YAE1: variants seen among roughly 807,000 people sequenced by gnomAD.
The protein encoded by YAE1 is protein YAE1 homolog.
Under a neutral mutation model 23.0 loss-of-function variants are expected in YAE1, and 22 were observed. That is an observed-to-expected ratio of 0.96 (90% CI 0.68 to 1.37). The LOEUF (loss-of-function observed/expected upper bound fraction) is 1.37. Ranked by LOEUF, YAE1 falls within the 40% of genes most tolerant of loss-of-function variation. YAE1 has a pLI of 0.00. For missense variants in YAE1, 260 were observed against 262.1 expected, an observed-to-expected ratio of 0.99 and a Z score of 0.06; for synonymous variants, 101 against 97.0, an observed-to-expected ratio of 1.04 and a Z score of -0.24.
At chr7:39,594,895 C>T (rs1031240927) in intron 2 of YAE1, among the ~76,000 whole-genome samples, 1 of 152,136 alleles carries the variant, frequency 6.6e-6, no homozygotes, top group African/African-American at 2.4e-5. Flanking sequence ...CGTGCCCAGC[C>T]AGAACCTCGT....
intron 2 of YAE1, among the ~76,000 whole-genome samples, chr7:39,587,148 C>A (rs948097439): frequency 1.4e-4 from 22 of 151,960 alleles, no homozygotes; most frequent in African/African-American, 5.3e-4. Flanking sequence ...CCTCCGCCTC[C>A]CAGGTTGAAG....
downstream of YAE1, among the ~76,000 whole-genome samples, chr7:39,573,907 G>C (rs1790613087): frequency 6.6e-6 from 1 of 152,172 alleles, no homozygotes; most frequent in Non-Finnish European, 1.5e-5. Context: ...GATCTCTCCA[G>C]GTGTGAAGAC....
At chr7:39,577,345 G>T (rs151325298), downstream of YAE1, among the ~76,000 whole-genome samples, 1 of 152,238 alleles carries the variant, frequency 6.6e-6, no homozygotes, top group Admixed American at 6.5e-5. Flanking sequence ...CTCTGGCTGC[G>T]CTTGAGGAGC....
chr7:39,591,282 A>G (rs1361126819), intron 2 of YAE1, among the ~76,000 whole-genome samples: 1 of 152,168 alleles, frequency 6.6e-6, no homozygotes, highest in African/African-American at 2.4e-5. Flanking sequence ...AGTGCAAAAC[A>G]CCTATCAAAT....
At position 39,589,163 on chromosome 7, in the gene YAE1, A is replaced by G. The variant is rs143701291; in HGVS notation, c.251+18536A>G. On this transcript the variant is annotated intron_variant, in intron 2 of 2. Coordinates refer to the YAE1 transcript ENST00000432096. Reference sequence around the variant, plus strand: ...TAAAACAAAGGCTTTTTATTATAAAATAAGTCACATACTAACTTTAGAAAT... The same window carrying G: ...TAAAACAAAGGCTTTTTATTATAAAGTAAGTCACATACTAACTTTAGAAAT... 6.5e-3 allele frequency among the ~76,000 whole-genome samples: 995 copies of G among 152,190 alleles called. 14 individuals are homozygous for G. Among genetic ancestry groups the G allele is most frequent in the African/African-American group, 0.023 (944 of 41,534 alleles).
At chr7:39,587,595 T>C (rs1790839140) in intron 2 of YAE1, among the ~76,000 whole-genome samples, 1 of 152,224 alleles carries the variant, frequency 6.6e-6, no homozygotes, top group Non-Finnish European at 1.5e-5. Flanking sequence ...GCAGCACTGC[T>C]CTGGGTCCTG....
intron 2 of YAE1, among the ~76,000 whole-genome samples, chr7:39,590,056 A>G (rs922843761): frequency 6.6e-6 from 1 of 152,242 alleles, no homozygotes; most frequent in African/African-American, 2.4e-5. Flanking sequence ...AATACAGAAC[A>G]CAAGGGAATG....
chr7:39,591,850 C>A (rs1790904774), intron 2 of YAE1, among the ~76,000 whole-genome samples: 1 of 152,204 alleles, frequency 6.6e-6, no homozygotes, highest in African/African-American at 2.4e-5. Flanking sequence ...TCTCTCCCTA[C>A]CTAATTCCTG....
At chr7:39,568,023 A>G (rs10270924) in intron 1 of YAE1, among the ~76,000 whole-genome samples, 2,415 of 152,318 alleles carry the variant, frequency 0.016, 19 homozygotes, top group Middle Eastern at 0.041. Context: ...ACAGGAAAAT[A>G]TGAAGTTTGT....
chr7:39,566,531 T>C lies in YAE1; in HGVS notation c.113T>C (p.Met38Thr). Residue 38 changes from methionine to threonine, a missense_variant, in exon 1 of 3, where the codon ATG becomes ACG. Coordinates refer to ENST00000223273, the MANE Select transcript of YAE1 (RefSeq NM_020192.5). Reference protein sequence around the residue: ...LLAQREWQSNMQRRVKEGYRD... With the variant: ...LLAQREWQSNTQRRVKEGYRD... ...GCGCAGCGGGAATGGCAGAGTAACA[T>C]GCAAAGACGAGTCAAAGTAAACGTG... 2 of 1,613,932 alleles carry C rather than the reference T, an allele frequency of 1.2e-6. No individual in the cohort carries two copies. Among genetic ancestry groups the C allele is most frequent in the Non-Finnish European group, 1.7e-6 (2 of 1,179,924 alleles).
At chr7:39,575,937 C>T (rs1021421090), downstream of YAE1, among the ~76,000 whole-genome samples, 2 of 152,178 alleles carry the variant, frequency 1.3e-5, no homozygotes, top group African/African-American at 4.8e-5. Flanking sequence ...TCTCCAACAG[C>T]ACTTTTTCTT....
At chr7:39,591,980 A>G (rs532262732) in intron 2 of YAE1, among the ~76,000 whole-genome samples, 176 of 152,312 alleles carry the variant, frequency 1.2e-3, no homozygotes, top group Non-Finnish European at 2.3e-3. Flanking sequence ...GGCAATATGC[A>G]TTTAAGTTTT....
chr7:39,576,775 A>G (rs1790661907), downstream of YAE1, among the ~76,000 whole-genome samples: 2 of 152,192 alleles, frequency 1.3e-5, no homozygotes, highest in African/African-American at 2.4e-5. Context: ...ACATAGATGC[A>G]TAGGTGGTGC....
chr7:39,610,343 T>C, downstream of YAE1: 1 of 471,080 alleles, frequency 2.1e-6, no homozygotes, highest in Non-Finnish European at 4.2e-6. Flanking sequence ...ATACATTTTT[T>C]GCAACTGTTT....
downstream of YAE1, among the ~76,000 whole-genome samples, chr7:39,611,074 G>A (rs569106217): frequency 5.3e-5 from 8 of 152,132 alleles, no homozygotes; most frequent in African/African-American, 1.9e-4. Context: ...CTTGAACCAG[G>A]GAGGCAGAGG....
At chr7:39,610,926 G>A (rs919970686), downstream of YAE1, among the ~76,000 whole-genome samples, 23 of 152,052 alleles carry the variant, frequency 1.5e-4, no homozygotes, top group Admixed American at 1.2e-3. Flanking sequence ...CGAGCTGGGC[G>A]GATCGCTTGA....
At position 39,572,361 on chromosome 7, in the gene YAE1, G is replaced by T. The variant is rs528575683; in HGVS notation, c.336G>T (p.Gln112His). The change falls in exon 3 of 3, where the codon CAG becomes CAT. Residue 112 changes from glutamine to histidine, a missense_variant. By Grantham distance (24) the Gln-to-His change is conservative. Coordinates refer to ENST00000223273, the MANE Select transcript of YAE1 (RefSeq NM_020192.5). ...KINNLLDAVG[Q>H]CEEYVLKHLK... ...ACAATCTTCTGGATGCAGTTGGCCA[G>T]TGTGAAGAGTATGTGCTCAAACATC... 6.2e-7 allele frequency: 1 copy of T among 1,614,136 alleles called. No individual in the cohort carries two copies. Among genetic ancestry groups the T allele is most frequent in the African/African-American group, 1.3e-5 (1 of 75,064 alleles).
intron 2 of YAE1, among the ~76,000 whole-genome samples, chr7:39,591,626 C>T (rs1037617110): frequency 1.1e-4 from 16 of 151,328 alleles, no homozygotes; most frequent in Non-Finnish European, 1.9e-4. Context: ...CCATTATCAA[C>T]GTCCACCACC....
intron 2 of YAE1, among the ~76,000 whole-genome samples, chr7:39,584,008 T>C (rs1340977843): frequency 6.6e-6 from 1 of 152,216 alleles, no homozygotes; most frequent in African/African-American, 2.4e-5. Flanking sequence ...ATTGTAAGAA[T>C]TTGAATAAGC....
Sources: allele counts gnomAD v4.1 joint callset (sites outside exome capture counted in the v4.1 genomes callset), GRCh38; gene constraint gnomAD v4.1.1; transcripts MANE v1.5; gene names NCBI Gene and HGNC (gene_info 2026-07-23, HGNC 2026-07-21).